GRM1: variants seen among roughly 807,000 people sequenced by gnomAD.
GRM1 encodes the protein metabotropic glutamate receptor 1.
In GRM1, 33 loss-of-function variants were observed where a neutral mutation model predicts 90.9. The ratio of observed to expected loss-of-function variants is 0.36; its 90% CI spans 0.28 to 0.49. The LOEUF (loss-of-function observed/expected upper bound fraction) is 0.49, where lower values mean the gene tolerates loss of function less well. Ranked by LOEUF, GRM1 falls within the 20% of genes least tolerant of loss-of-function variation. GRM1 has a pLI of 0.99. For synonymous variants in GRM1, 700 were observed against 613.2 expected (o/e 1.14, Z -2.09); for missense variants, 1,190 against 1,534.3 (o/e 0.78, Z 3.75).
At chr6:146,404,272 C>T (rs1038108013) in intron 7 of GRM1, among the ~76,000 whole-genome samples, 1 of 151,878 alleles carries the variant, frequency 6.6e-6, no homozygotes, top group Non-Finnish European at 1.5e-5. Context: ...ATCATTGTTT[C>T]AACAGTAAGC....
chr6:146,349,040 G>A (rs1291507050), intron 3 of GRM1, among the ~76,000 whole-genome samples: 1 of 122,672 alleles, frequency 8.2e-6, no homozygotes, highest in African/African-American at 3.2e-5. Flanking sequence ...ACAAGAAGTG[G>A]TAGCTATTAT....
At chr6:146,116,838 A>G (rs962625019) in intron 1 of GRM1, among the ~76,000 whole-genome samples, 2 of 151,982 alleles carry the variant, frequency 1.3e-5, no homozygotes, top group Admixed American at 6.6e-5. Flanking sequence ...GAAAATTTAC[A>G]TTATTTTTTG....
intron 7 of GRM1, among the ~76,000 whole-genome samples, chr6:146,428,080 T>G (rs948559800): frequency 3.9e-5 from 6 of 152,192 alleles, no homozygotes; most frequent in African/African-American, 1.4e-4. Context: ...GCTAACAGAT[T>G]GGCCGTTAAG....
In GRM1 at chr6:146,029,574, C is replaced by T. The variant is rs370831493; in HGVS notation, c.57C>T (p.Leu19=). Residue 19 remains leucine, a synonymous_variant, in exon 1 of 8, where the codon CTC becomes CTT. Coordinates refer to ENST00000282753, the MANE Select transcript of GRM1 (RefSeq NM_001278064.2). ...CGATCTTTTTGGAGGTGTCCCTTCT[C>T]CCCAGAAGCCCCGGCAGGAAAGTGT... is the stretch of plus-strand genomic sequence containing the variant. ...FPAIFLEVSL[L]PRSPGRKVLL... is the part of the protein sequence containing the mutation. 11 of 1,613,986 alleles carry T rather than the reference C, an allele frequency of 6.8e-6. No individual in the cohort carries two copies. Among genetic ancestry groups the T allele is most frequent in the Admixed American group, 1.7e-5 (1 of 59,996 alleles).
intron 1 of GRM1, among the ~76,000 whole-genome samples, chr6:146,081,754 T>G (rs1330742394): frequency 6.6e-6 from 1 of 152,210 alleles, no homozygotes; most frequent in Non-Finnish European, 1.5e-5. Context: ...CGAGCTAGGT[T>G]GTAGCTATGA....
intron 7 of GRM1, among the ~76,000 whole-genome samples, chr6:146,402,162 A>G (rs1475977156): frequency 2.0e-5 from 3 of 152,190 alleles, no homozygotes; most frequent in Non-Finnish European, 2.9e-5. Context: ...ATCAAGCATT[A>G]TTACATTCAT....
At chr6:146,153,745 A>G (rs1333960988) in intron 1 of GRM1, among the ~76,000 whole-genome samples, 3 of 152,180 alleles carry the variant, frequency 2.0e-5, no homozygotes, top group African/African-American at 2.4e-5. Context: ...GTGTTTACCT[A>G]TGTAACAAAC....
At chr6:146,382,037 G>A (rs1776336190) in intron 5 of GRM1, among the ~76,000 whole-genome samples, 1 of 152,096 alleles carries the variant, frequency 6.6e-6, no homozygotes, top group African/African-American at 2.4e-5. Flanking sequence ...TCACTAACAA[G>A]CATAGAACCA....
At chr6:146,039,146 G>A (rs75567080) in intron 1 of GRM1, among the ~76,000 whole-genome samples, 2 of 151,922 alleles carry the variant, frequency 1.3e-5, no homozygotes, top group South Asian at 4.1e-4. Context: ...TCACCACATG[G>A]TGATTACTAT....
At chr6:146,327,502 T>C (rs1784435268) in intron 3 of GRM1, among the ~76,000 whole-genome samples, 1 of 152,166 alleles carries the variant, frequency 6.6e-6, no homozygotes, top group Admixed American at 6.6e-5. Flanking sequence ...AGAGACCACT[T>C]TGTAGTGTCC....
At chr6:146,433,658 C>T (rs1242449134) in intron 7 of GRM1, among the ~76,000 whole-genome samples, 1 of 152,038 alleles carries the variant, frequency 6.6e-6, no homozygotes, top group Non-Finnish European at 1.5e-5. Context: ...CTACAACAGA[C>T]TGGCTTTTCT....
chr6:146,359,607 G>T (rs983582243), intron 5 of GRM1, among the ~76,000 whole-genome samples: 10 of 152,168 alleles, frequency 6.6e-5, no homozygotes, highest in Non-Finnish European at 1.0e-4. Flanking sequence ...ATTCCTTACT[G>T]TTACTCTGAC....
At position 146,399,280 on chromosome 6, in the gene GRM1, T is replaced by C; in HGVS notation, c.2241T>C (p.Asn747=). ...PSIKEVYLIC[N]TSNLGVVAPL... is the part of the protein sequence containing the mutation. The stretch of plus-strand genomic sequence containing the variant: ...TCAAGGAAGTCTACCTTATCTGCAA[T>C]ACCAGCAACCTGGGTGTGGTGGCCC... Residue 747 remains asparagine (N), a synonymous_variant, in exon 7 of 8, where the codon AAT becomes AAC. Transcript: ENST00000282753. The surrounding 1 kb of genome is among the most constrained non-coding windows in gnomAD (Gnocchi z 5.4). 1 of 1,614,128 alleles carries C rather than the reference T, an allele frequency of 6.2e-7. No individual in the cohort carries two copies. Among genetic ancestry groups the C allele is most frequent in the Non-Finnish European group, 8.5e-7 (1 of 1,180,020 alleles).
chr6:146,178,033 C>A (rs1468675086), intron 2 of GRM1, among the ~76,000 whole-genome samples: 2 of 152,150 alleles, frequency 1.3e-5, no homozygotes, highest in Non-Finnish European at 2.9e-5. Flanking sequence ...ACATTTGTTA[C>A]AATTAATGAA....
intron 1 of GRM1, among the ~76,000 whole-genome samples, chr6:146,115,451 C>T (rs1025906651): frequency 1.2e-4 from 19 of 152,232 alleles, no homozygotes; most frequent in African/African-American, 4.6e-4. Context: ...CTATGCACTA[C>T]CATTCTTTAT....
chr6:146,055,132 T>C (rs1043009695), intron 1 of GRM1, among the ~76,000 whole-genome samples: 2 of 152,116 alleles, frequency 1.3e-5, no homozygotes, highest in Non-Finnish European at 2.9e-5. Context: ...TTTTAAAACA[T>C]GTTGAATAAA....
intron 1 of GRM1, among the ~76,000 whole-genome samples, chr6:146,123,150 T>A (rs149806491): frequency 8.5e-5 from 13 of 152,236 alleles, no homozygotes; most frequent in African/African-American, 2.9e-4. Context: ...GCCTGTGATT[T>A]CTTTTATTAA....
intron 2 of GRM1, among the ~76,000 whole-genome samples, chr6:146,198,821 C>A (rs958519869): frequency 2.0e-5 from 3 of 152,182 alleles, no homozygotes; most frequent in African/African-American, 7.2e-5. Context: ...TCCTTCCTCC[C>A]AGGAACCCAG....
At chr6:146,037,642 G>A (rs903658125) in intron 1 of GRM1, among the ~76,000 whole-genome samples, 2 of 151,796 alleles carry the variant, frequency 1.3e-5, no homozygotes, top group African/African-American at 4.8e-5. Context: ...TCCTCTTAAT[G>A]TCAGCTCTTA....
Sources: allele counts gnomAD v4.1 joint callset (sites outside exome capture counted in the v4.1 genomes callset), GRCh38; gene constraint gnomAD v4.1.1; non-coding constraint Gnocchi (gnomAD v3.1); transcripts MANE v1.5; gene names NCBI Gene and HGNC (gene_info 2026-07-23, HGNC 2026-07-21).